ATG10: variants seen among roughly 807,000 people sequenced by gnomAD.
The protein encoded by ATG10 is ubiquitin-like-conjugating enzyme ATG10.
Under a neutral mutation model 32.1 loss-of-function variants are expected in ATG10, and 30 were observed. The ratio of observed to expected loss-of-function variants is 0.94; its 90% confidence interval spans 0.70 to 1.27. ATG10 has a LOEUF of 1.27. ATG10 is among the 50% of genes most tolerant of loss of function. The probability of loss-of-function intolerance (pLI) is 0.00; values close to 1 mark genes in which losing one functional copy is unlikely to be tolerated. For synonymous variants in ATG10, 87 were observed against 91.5 expected, an observed-to-expected ratio of 0.95 and a Z score of 0.28; for missense variants, 233 against 262.3, an observed-to-expected ratio of 0.89 and a Z score of 0.77.
chr5:82,240,076 G>A (rs1428258712), intron 5 of ATG10, among the ~76,000 whole-genome samples: 1 of 152,158 alleles, frequency 6.6e-6, no homozygotes, highest in African/African-American at 2.4e-5. Flanking sequence ...TGGTGGGAAT[G>A]TAAGTTAGCA....
At chr5:82,081,775 G>T (rs911747043) in intron 3 of ATG10, among the ~76,000 whole-genome samples, 5 of 152,164 alleles carry the variant, frequency 3.3e-5, no homozygotes, top group African/African-American at 1.2e-4. Flanking sequence ...TTTTATTAAG[G>T]ATTTTTGCAT....
At chr5:81,993,705 C>T (rs185563027) in intron 2 of ATG10, among the ~76,000 whole-genome samples, 197 of 152,032 alleles carry the variant, frequency 1.3e-3, no homozygotes, top group African/African-American at 4.3e-3. Flanking sequence ...GGATTACAGA[C>T]GTGAGCCACC....
At chr5:82,092,128 A>G (rs1764908577) in intron 3 of ATG10, among the ~76,000 whole-genome samples, 1 of 152,160 alleles carries the variant, frequency 6.6e-6, no homozygotes, top group African/African-American at 2.4e-5. Context: ...TTTCTTTTGG[A>G]TTGTCCCATT....
chr5:82,118,020 G>C (rs977630992), intron 3 of ATG10, among the ~76,000 whole-genome samples: 1 of 151,916 alleles, frequency 6.6e-6, no homozygotes, highest in Admixed American at 6.6e-5. Flanking sequence ...AGATGCTGAA[G>C]CCTTGTATTG....
chr5:82,149,985 G>C, intron 3 of ATG10, among the ~76,000 whole-genome samples: 1 of 151,966 alleles, frequency 6.6e-6, no homozygotes, highest in East Asian at 1.9e-4. Context: ...TAGAAGTTGA[G>C]GTTCTTGACA....
chr5:82,131,638 C>G (rs1766527893), intron 3 of ATG10, among the ~76,000 whole-genome samples: 1 of 64,002 alleles, frequency 1.6e-5, no homozygotes, highest in Non-Finnish European at 3.0e-5. Context: ...TAGTTTTATT[C>G]TACTTTTTTT....
chr5:82,172,073 C>T (rs1743828586), intron 4 of ATG10, among the ~76,000 whole-genome samples: 1 of 152,100 alleles, frequency 6.6e-6, no homozygotes, highest in Non-Finnish European at 1.5e-5. Flanking sequence ...CTTGGCTGGA[C>T]ATGGGATTTG....
At chr5:82,191,840 G>A (rs762216119) in intron 5 of ATG10, among the ~76,000 whole-genome samples, 6 of 152,170 alleles carry the variant, frequency 3.9e-5, no homozygotes, top group African/African-American at 1.2e-4. Flanking sequence ...CCTAGGACTC[G>A]TCAGGACATC....
At chr5:82,228,859 G>A (rs928828757) in intron 5 of ATG10, among the ~76,000 whole-genome samples, 2 of 152,178 alleles carry the variant, frequency 1.3e-5, no homozygotes, top group East Asian at 1.9e-4. Context: ...AGTGAAAGTA[G>A]AGGCATAAAA....
At chr5:82,247,680 A>G (rs1477928394) in intron 5 of ATG10, among the ~76,000 whole-genome samples, 1 of 152,228 alleles carries the variant, frequency 6.6e-6, no homozygotes, top group Non-Finnish European at 1.5e-5. Context: ...GGTATGAACC[A>G]CACTTTTTGG....
At chr5:82,220,559 G>T (rs1468609514) in intron 5 of ATG10, among the ~76,000 whole-genome samples, 3 of 152,022 alleles carry the variant, frequency 2.0e-5, no homozygotes, top group Non-Finnish European at 2.9e-5. Flanking sequence ...ACCGCGCCTG[G>T]CTGGATTTTT....
chr5:81,978,179 C>T (rs945943098), intron 1 of ATG10, among the ~76,000 whole-genome samples: 2 of 152,110 alleles, frequency 1.3e-5, no homozygotes, highest in African/African-American at 2.4e-5. Context: ...ATGCAATTCT[C>T]CTGCCTCAGC....
chr5:82,052,122 C>A (rs138417898), intron 2 of ATG10, among the ~76,000 whole-genome samples: 196 of 152,276 alleles, frequency 1.3e-3, no homozygotes, highest in African/African-American at 4.4e-3. Flanking sequence ...TGCAGTTGAT[C>A]ATTCTGGGCA....
intron 3 of ATG10, among the ~76,000 whole-genome samples, chr5:82,118,394 A>ATG: frequency 8.4e-6 from 1 of 119,242 alleles, no homozygotes; most frequent in South Asian, 2.9e-4. Context: ...GTACATATAT[A>ATG]TATATATATA....
chr5:82,139,855 C>T (rs1232454797), intron 3 of ATG10, among the ~76,000 whole-genome samples: 1 of 143,324 alleles, frequency 7.0e-6, no homozygotes, highest in African/African-American at 2.6e-5. Context: ...GGTCAGCCCC[C>T]CCACCCGGCC....
intron 3 of ATG10, among the ~76,000 whole-genome samples, chr5:82,113,401 G>A (rs1765676695): frequency 6.6e-6 from 1 of 151,870 alleles, no homozygotes; most frequent in South Asian, 2.1e-4. Flanking sequence ...AACTATAATA[G>A]AGATAAAGTA....
intron 5 of ATG10, among the ~76,000 whole-genome samples, chr5:82,221,204 G>T (rs113432739): frequency 2.0e-5 from 3 of 152,114 alleles, no homozygotes; most frequent in Admixed American, 6.5e-5. Flanking sequence ...GCCCTGTGAT[G>T]CAATACCTCT....
intron 5 of ATG10, among the ~76,000 whole-genome samples, chr5:82,231,675 C>T (rs1223297868): frequency 1.3e-5 from 2 of 152,070 alleles, no homozygotes; most frequent in Admixed American, 6.6e-5. Context: ...ATGGGATTAT[C>T]GCATGCTTAT....
At chr5:82,059,167 T>C (rs1484112233) in intron 3 of ATG10, among the ~76,000 whole-genome samples, 1 of 152,184 alleles carries the variant, frequency 6.6e-6, no homozygotes, top group Non-Finnish European at 1.5e-5. Context: ...AATTTTATTA[T>C]GGTACTAATG....
Sources: gnomAD v4.1 joint callset for allele counts (sites outside exome capture counted in the v4.1 genomes callset) on GRCh38, gnomAD v4.1.1 for gene constraint, MANE v1.5 for transcripts, NCBI Gene and HGNC (gene_info 2026-07-23, HGNC 2026-07-21) for gene names.